The following C1orf226 variants were observed in gnomAD, a reference collection of about 807,000 sequenced individuals.
The protein encoded by C1orf226 is chromosome 1 open reading frame 226.
C1orf226 carries 4 observed loss-of-function variants against 10.5 expected under a neutral mutation model. The ratio of observed to expected loss-of-function variants is 0.38; its 90% CI spans 0.19 to 0.87. C1orf226 has a LOEUF of 0.87. Among genes scored for constraint, C1orf226 ranks in the 40% least tolerant of loss-of-function variants. The pLI is 0.41. For synonymous variants in C1orf226, 125 were observed against 139.3 expected, an observed-to-expected ratio of 0.90 and a Z score of 0.72; for missense variants, 313 against 336.2, an observed-to-expected ratio of 0.93 and a Z score of 0.54.
In C1orf226 at chr1:162,383,837, A is replaced by C. The variant is rs937875284; in HGVS notation, c.*154A>C. The C allele has an allele frequency of 2.0e-5, 15 of 732,662 alleles. No homozygotes were observed. The Admixed American group carries it at 3.0e-4, about 15-fold the overall frequency. The allele number at this position is 732,662 out of a possible 1,614,324, so 45.4% of individuals were successfully genotyped here. ...CCAGTCGTCCATCATGGGATTTTGCAGGACTGGAAGTCCTTGAGTAGTTCT... is the reference window on the plus strand; with the variant it reads ...CCAGTCGTCCATCATGGGATTTTGCCGGACTGGAAGTCCTTGAGTAGTTCT... On this transcript the variant is annotated 3_prime_UTR_variant, in exon 2 of 2. Coordinates refer to ENST00000458626, the MANE Select transcript of C1orf226 (RefSeq NM_001085375.2).
upstream of C1orf226, chr1:162,379,013 G>A (rs965574794): frequency 1.2e-5 from 19 of 1,549,986 alleles, no homozygotes; most frequent in East Asian, 9.8e-5. Context: ...CCTGCTTTCC[G>A]AGCCCCTTTC....
chr1:162,383,592 A>T lies in C1orf226; in HGVS notation c.728A>T (p.Glu243Val). 6.2e-7 allele frequency: 1 copy of T among 1,606,330 alleles called. No individual in the cohort carries two copies. The highest frequency in any genetic ancestry group is 8.5e-7 in the Non-Finnish European group (1 of 1,176,300). The change falls in exon 2 of 2, where the codon GAG (glutamate) becomes GTG (valine). Residue 243 changes from glutamate to valine, a missense_variant. Coordinates refer to ENST00000458626, the MANE Select transcript of C1orf226 (RefSeq NM_001085375.2). ...AGCTTGAGCCCCATCAGCCTGGCTG[A>T]GTCCTGGGAGGATGGCAGCCCCCCT... is the stretch of plus-strand genomic sequence containing the variant. The part of the protein sequence containing the change: ...KLSLSPISLA[E>V]SWEDGSPPPQ...
At position 162,381,953 on chromosome 1, in the gene C1orf226, T is replaced by G. The variant is rs769585037; in HGVS notation, c.52T>G (p.Ser18Ala). The change falls in exon 1 of 2, where the codon TCC becomes GCC. Residue 18 changes from serine (S) to alanine (A), a missense_variant. Coordinates refer to ENST00000458626, the MANE Select transcript of C1orf226 (RefSeq NM_001085375.2). ...CACTCCAAAGCTCCAGGCCAGCCGCTCCTTCCCCCACTTGTCCAAGCCCGT... is the reference window on the plus strand; with the variant it reads ...CACTCCAAAGCTCCAGGCCAGCCGCGCCTTCCCCCACTTGTCCAAGCCCGT... Reference protein sequence around the residue: ...ALTPKLQASRSFPHLSKPVAP... With the variant: ...ALTPKLQASRAFPHLSKPVAP... The G allele has an allele frequency of 4.3e-6, 7 of 1,612,776 alleles. No homozygotes were observed. Among genetic ancestry groups the G allele is most frequent in the Non-Finnish European group, 5.1e-6 (6 of 1,179,884 alleles).
upstream of C1orf226, among the ~76,000 whole-genome samples, chr1:162,380,913 A>G (rs1249469224): frequency 6.6e-6 from 1 of 152,258 alleles, no homozygotes; most frequent in Non-Finnish European, 1.5e-5. Flanking sequence ...ACAAAGATGA[A>G]TGAGGCATGC....
chr1:162,383,822 A>G lies in C1orf226; in HGVS notation c.*139A>G, dbSNP rs1475089926. The G allele has an allele frequency of 1.2e-6, 1 of 855,812 alleles. No individual in the cohort carries two copies. Among genetic ancestry groups the G allele is most frequent in the Non-Finnish European group, 1.7e-6 (1 of 572,960 alleles). The allele number at this position is 855,812 out of a possible 1,614,324, so 53.0% of individuals were successfully genotyped here. On this transcript the variant is annotated 3_prime_UTR_variant, in exon 2 of 2. Transcript: ENST00000458626. ...GGCACCAGCAGAGAGCCAGTCGTCC[A>G]TCATGGGATTTTGCAGGACTGGAAG...
chr1:162,384,036 T>G lies in C1orf226; in HGVS notation c.*353T>G. 4.2e-6 allele frequency: 1 copy of G among 240,052 alleles called. No homozygotes were observed. Among genetic ancestry groups the G allele is most frequent in the Non-Finnish European group, 8.0e-6 (1 of 125,338 alleles). 14.9% of individuals were successfully genotyped at this position (240,052 alleles called of 1,614,324 possible). A position where few individuals can be genotyped will look rare whatever the true frequency, so the allele number is the denominator to read the frequency against. Reference sequence around the variant, plus strand: ...GCCACCAGCTCAGGACAATGGATCTTACAGGAATTCTTTTTGCCTGTCCCC... The same window carrying G: ...GCCACCAGCTCAGGACAATGGATCTGACAGGAATTCTTTTTGCCTGTCCCC... On this transcript the variant is annotated 3_prime_UTR_variant, in exon 2 of 2. Transcript: ENST00000458626.
At chr1:162,379,190 C>G (rs1017307466), upstream of C1orf226, among the ~76,000 whole-genome samples, 4 of 151,922 alleles carry the variant, frequency 2.6e-5, no homozygotes, top group Non-Finnish European at 5.9e-5. Flanking sequence ...CATCAAGCCT[C>G]TAGTCCTGAA....
rs1450219122 is a variant in C1orf226 at position 162,386,576 on chromosome 1, G to C, written c.*2893G>C. On this transcript the variant is annotated 3_prime_UTR_variant, in exon 2 of 2. Coordinates refer to ENST00000458626, the MANE Select transcript of C1orf226 (RefSeq NM_001085375.2). ...AAGGTGAGCTTCCAGAACCTGGCAG[G>C]AGGCTGGTGTATCCCCCTGCACAGA... The C allele has an allele frequency of 6.6e-6, 1 of 152,218 alleles. No individual in the cohort carries two copies. Among genetic ancestry groups the C allele is most frequent in the Non-Finnish European group, 1.5e-5 (1 of 68,074 alleles). 9.4% of individuals were successfully genotyped at this position (152,218 alleles called of 1,614,324 possible). A position where few individuals can be genotyped will look rare whatever the true frequency, so the allele number is the denominator to read the frequency against.
rs1648046426 is a variant in C1orf226, at chr1:162,384,571, GC to G, written c.*889del. On this transcript the variant is annotated 3_prime_UTR_variant, in exon 2 of 2. Coordinates refer to ENST00000458626, the MANE Select transcript of C1orf226 (RefSeq NM_001085375.2). ...CTTGGGGGTGGTCTTGGCATTCAGAGCTGGTGCTAAAAACCCAGAGCAGAAG... is the reference window on the plus strand; with the variant it reads ...CTTGGGGGTGGTCTTGGCATTCAGAGTGGTGCTAAAAACCCAGAGCAGAAG... 1 of 153,130 alleles carries G rather than the reference GC, an allele frequency of 6.5e-6. No individual in the cohort carries two copies. The highest frequency in any genetic ancestry group is 2.4e-5 in the African/African-American group (1 of 41,568). 9.5% of individuals were successfully genotyped at this position (153,130 alleles called of 1,614,324 possible).
chr1:162,383,614 C>T lies in C1orf226; in HGVS notation c.750C>T (p.Pro250=), dbSNP rs577076806. 3.0e-5 allele frequency: 48 copies of T among 1,608,556 alleles called. No individual in the cohort carries two copies. The South Asian group carries it at 4.7e-4, about 16-fold the overall frequency. ...SLAESWEDGS[P]PPQARTSSLD... ...CTGAGTCCTGGGAGGATGGCAGCCC[C>T]CCTCCTCAGGCACGGACCTCCAGCC... Residue 250 remains proline (P), a synonymous_variant, in exon 2 of 2, where the codon CCC becomes CCT. Coordinates refer to ENST00000458626, the MANE Select transcript of C1orf226 (RefSeq NM_001085375.2).
Position 162,383,570 on chromosome 1 carries a change from T to C in C1orf226, c.706T>C (p.Leu236=). 4.4e-6 allele frequency: 7 copies of C among 1,605,576 alleles called. No individual in the cohort carries two copies. Among genetic ancestry groups the C allele is most frequent in the Non-Finnish European group, 6.0e-6 (7 of 1,175,772 alleles). ...LIERNGFKLS[L]SPISLAESWE... The stretch of plus-strand genomic sequence containing the variant: ...CGAGAGGAATGGCTTCAAACTCAGC[T>C]TGAGCCCCATCAGCCTGGCTGAGTC... Residue 236 remains leucine, a synonymous_variant, in exon 2 of 2, where the codon TTG becomes CTG. Transcript: ENST00000458626.
chr1:162,381,770 A>C lies in C1orf226; in HGVS notation c.-132A>C. The C allele has an allele frequency of 4.0e-6, 6 of 1,487,728 alleles. 1 individual carries two copies. Among genetic ancestry groups the C allele is most frequent in the Middle Eastern group, 3.5e-4 (2 of 5,728 alleles). The allele number at this position is 1,487,728 out of a possible 1,614,324, so 92.2% of individuals were successfully genotyped here. A position where few individuals can be genotyped will look rare whatever the true frequency, so the allele number is the denominator to read the frequency against. On this transcript the variant is annotated 5_prime_UTR_variant, in exon 1 of 2. Transcript: ENST00000458626. ...AGTGTCTTTGCTGGCTCTTTCTTGA[A>C]TATTTCCAAAGCCTTGGAAGTTACA...
chr1:162,379,026 G>A (rs904198030), upstream of C1orf226: 31 of 1,545,348 alleles, frequency 2.0e-5, no homozygotes, highest in Admixed American at 4.1e-4. Context: ...CCCCTTTCTC[G>A]GACAGGTAAG....
chr1:162,383,997 C>T lies in C1orf226; in HGVS notation c.*314C>T. ...CACTCTTGAGCTTGTCCTGTCTTCT[C>T]AGTGAATTGCAGGGCCACCAGCTCA... is the stretch of plus-strand genomic sequence containing the variant. On this transcript the variant is annotated 3_prime_UTR_variant, in exon 2 of 2. Transcript: ENST00000458626. The T allele has an allele frequency of 2.0e-5, 7 of 347,876 alleles. No individual in the cohort carries two copies. Among genetic ancestry groups the T allele is most frequent in the South Asian group, 1.2e-4 (2 of 16,424 alleles). 21.5% of individuals were successfully genotyped at this position (347,876 alleles called of 1,614,324 possible).
At chr1:162,379,074 T>G, upstream of C1orf226, 7 of 1,289,856 alleles carry the variant, frequency 5.4e-6, no homozygotes, top group South Asian at 1.3e-5. Context: ...CATCCCCAGA[T>G]GCCCTCCTCT....
At position 162,381,961 on chromosome 1, in the gene C1orf226, C is replaced by A; in HGVS notation, c.60C>A (p.Pro20=). Residue 20 remains proline (P), a synonymous_variant, in exon 1 of 2, where the codon CCC becomes CCA. Coordinates refer to ENST00000458626, the MANE Select transcript of C1orf226 (RefSeq NM_001085375.2). ...AGCTCCAGGCCAGCCGCTCCTTCCC[C>A]CACTTGTCCAAGCCCGTGGCCCCCG... ...TPKLQASRSF[P]HLSKPVAPGS... 6.2e-7 allele frequency: 1 copy of A among 1,612,972 alleles called. No homozygotes were observed. Among genetic ancestry groups the A allele is most frequent in the Admixed American group, 1.7e-5 (1 of 60,024 alleles).
At chr1:162,382,984 T>C (rs935099174) in intron 1 of C1orf226, among the ~76,000 whole-genome samples, 198 bp from the exon 2 acceptor site, 2 of 152,212 alleles carry the variant, frequency 1.3e-5, no homozygotes, top group African/African-American at 4.8e-5. Context: ...TGAGTAAGCA[T>C]GGACCAGGCC....
In C1orf226 at chr1:162,383,318, A is replaced by T. The variant is rs1319000513; in HGVS notation, c.454A>T (p.Thr152Ser). Residue 152 changes from threonine to serine, a missense_variant, in exon 2 of 2, where the codon ACA (threonine) becomes TCA (serine). Physicochemically the swap from Thr to Ser is moderately conservative, Grantham distance 58 (BLOSUM62 1). Transcript: ENST00000458626. ...TGTCCTCAGCAGTCTGGAGTATGGG[A>T]CAGAGCCATCACCTGGGCAGGCCCA... ...QPVLSSLEYG[T>S]EPSPGQAQDS... 6.2e-7 allele frequency: 1 copy of T among 1,612,582 alleles called. No homozygotes were observed.
In C1orf226 at chr1:162,384,625, G is replaced by A. The variant is rs891947528; in HGVS notation, c.*942G>A. The A allele has an allele frequency of 4.6e-5, 7 of 152,896 alleles. No homozygotes were observed. The highest frequency in any genetic ancestry group is 1.7e-4 in the African/African-American group (7 of 41,568). The allele number at this position is 152,896 out of a possible 1,614,324, so 9.5% of individuals were successfully genotyped here. A position where few individuals can be genotyped will look rare whatever the true frequency, so the allele number is the denominator to read the frequency against. Reference sequence around the variant, plus strand: ...GGGAGAAGGGAGTGAGGATGGGACAGAGAAGAGCGACCACTGGGGATCAGA... The same window carrying A: ...GGGAGAAGGGAGTGAGGATGGGACAAAGAAGAGCGACCACTGGGGATCAGA... On this transcript the variant is annotated 3_prime_UTR_variant, in exon 2 of 2. Coordinates refer to ENST00000458626, the MANE Select transcript of C1orf226 (RefSeq NM_001085375.2).
Sources: gnomAD v4.1 joint callset for allele counts (sites outside exome capture counted in the v4.1 genomes callset) on GRCh38, gnomAD v4.1.1 for gene constraint, MANE v1.5 for transcripts, NCBI Gene and HGNC (gene_info 2026-07-23, HGNC 2026-07-21) for gene names.